The following BRD8 variants were observed in gnomAD, a reference collection of about 807,000 sequenced individuals.
BRD8 encodes bromodomain-containing protein 8.
In BRD8, 67 loss-of-function variants were observed where a neutral mutation model predicts 143.1. The ratio of observed to expected loss-of-function variants is 0.47; its 90% confidence interval spans 0.38 to 0.57. The LOEUF is 0.57. Ranked by LOEUF, BRD8 falls within the 20% of genes least tolerant of loss-of-function variation. The probability of loss-of-function intolerance (pLI) is 0.00; values close to 1 mark genes in which losing one functional copy is unlikely to be tolerated. For missense variants in BRD8, 1,103 were observed against 1,503.0 expected, an observed-to-expected ratio of 0.73 and a Z score of 4.40; for synonymous variants, 505 against 517.1, an observed-to-expected ratio of 0.98 and a Z score of 0.32.
At chr5:138,141,970 A>G (rs1201923505) in intron 25 of BRD8, among the ~76,000 whole-genome samples, 1 of 152,150 alleles carries the variant, frequency 6.6e-6, no homozygotes, top group Non-Finnish European at 1.5e-5. Flanking sequence ...GAATGATGGT[A>G]TCATTGTCTC....
At position 138,162,212 on chromosome 5, in the gene BRD8, CTTTTT is replaced by C. The variant is rs1348036341; in HGVS notation, c.2088-71_2088-67del. The C allele has an allele frequency of 2.6e-5, 34 of 1,294,722 alleles. No homozygotes were observed. The South Asian group carries it at 4.0e-4, about 15-fold the overall frequency. The allele number at this position is 1,294,722 out of a possible 1,614,324, so 80.2% of individuals were successfully genotyped here. A position where few individuals can be genotyped will look rare whatever the true frequency, so the allele number is the denominator to read the frequency against. On this transcript the variant is annotated intron_variant, in intron 15 of 26. Transcript: ENST00000254900. ...AAAATAAAAATTATAATTCTCTTTT[CTTTTT>C]GAGACAGGGTCTCACTCTGTCCCCC...
At chr5:138,153,678 T>TTTTC (rs1752457625) in intron 20 of BRD8, among the ~76,000 whole-genome samples, 2 of 89,600 alleles carry the variant, frequency 2.2e-5, no homozygotes, top group South Asian at 3.1e-4. Flanking sequence ...CTTTTCTTTT[T>TTTTC]TTTTTTTTTT....
chr5:138,152,119 G>T (rs992878628), intron 21 of BRD8, among the ~76,000 whole-genome samples: 1 of 152,024 alleles, frequency 6.6e-6, no homozygotes, highest in Admixed American at 6.6e-5. Context: ...GCCTCCTAAA[G>T]TGCTGGGATT....
rs768523710 is a variant in BRD8 at position 138,152,464 on chromosome 5, A to G, written c.2856+18T>C. 2.5e-6 allele frequency: 4 copies of G among 1,611,282 alleles called. No homozygotes were observed. The South Asian group carries it at 3.3e-5, about 13-fold the overall frequency. ...AGTTGAGGCTTTTCCAGCTTTGGAA[A>G]TAAGAGCTCACTGTTACCTCAGAGA... is the stretch of plus-strand genomic sequence containing the variant. On this transcript the variant is annotated intron_variant, in intron 21 of 26. Coordinates refer to ENST00000254900, the MANE Select transcript of BRD8 (RefSeq NM_139199.2).
In BRD8 at chr5:138,160,446, G is replaced by C. The variant is rs141171295; in HGVS notation, c.2428-273C>G. 5.6e-3 allele frequency among the ~76,000 whole-genome samples: 852 copies of C among 152,204 alleles called. 6 individuals carry two copies. Among genetic ancestry groups the C allele is most frequent in the African/African-American group, 0.02 (810 of 41,506 alleles). Reference sequence around the variant, plus strand: ...AATAATAAAACTAGAATGAACCAAAGATCATTCAGCAATTTAAGTAATTTG... The same window carrying C: ...AATAATAAAACTAGAATGAACCAAACATCATTCAGCAATTTAAGTAATTTG... On this transcript the variant is annotated intron_variant, in intron 18 of 26. Coordinates refer to ENST00000254900, the MANE Select transcript of BRD8 (RefSeq NM_139199.2).
chr5:138,140,599 C>T (rs753321733), intron 26 of BRD8, 106 bp downstream of exon 26: 1 of 1,325,156 alleles, frequency 7.5e-7, no homozygotes, highest in Admixed American at 1.7e-5. Context: ...GCCTTAATCA[C>T]CTTTAAAAAT....
chr5:138,170,485 A>ATT, intron 6 of BRD8, 76 bp from the exon 7 acceptor site: 1 of 1,544,934 alleles, frequency 6.5e-7, no homozygotes, highest in Non-Finnish European at 8.9e-7. Flanking sequence ...TTACAAAGTA[A>ATT]TTTTTTTTGC....
intron 20 of BRD8, among the ~76,000 whole-genome samples, chr5:138,154,516 TA>T (rs1752496280): frequency 6.6e-6 from 1 of 152,344 alleles, no homozygotes; most frequent in African/African-American, 2.4e-5. Flanking sequence ...ACTACAATGT[TA>T]TTTTTTATTT....
intron 2 of BRD8, among the ~76,000 whole-genome samples, chr5:138,175,913 A>C (rs1241036494): frequency 4.6e-5 from 3 of 65,906 alleles, no homozygotes; most frequent in Non-Finnish European, 9.4e-5. Flanking sequence ...CCCTGTCTGC[A>C]AAAAAAAAAA....
intron 24 of BRD8, 134 bp downstream of exon 24, chr5:138,145,655 G>C: frequency 2.8e-6 from 2 of 712,636 alleles, no homozygotes; most frequent in Non-Finnish European, 4.7e-6. Context: ...GGGATAAATC[G>C]GGCTTAGATA....
intron 2 of BRD8, among the ~76,000 whole-genome samples, chr5:138,175,950 TAA>T (rs948455627): frequency 1.6e-5 from 1 of 61,954 alleles, no homozygotes; most frequent in Non-Finnish European, 3.4e-5. Flanking sequence ...TCAAACATAA[TAA>T]AGTTACTACA....
intron 20 of BRD8, chr5:138,156,757 A>T: frequency 2.3e-6 from 2 of 871,810 alleles, no homozygotes; most frequent in Non-Finnish European, 2.8e-6. Flanking sequence ...GCAGTTCATA[A>T]GACTTTTCCC....
At chr5:138,145,703 G>T (rs2151181373) in intron 24 of BRD8, 86 bp downstream of exon 24, 1 of 1,180,944 alleles carries the variant, frequency 8.5e-7, no homozygotes, top group Non-Finnish European at 1.3e-6. Flanking sequence ...TTTGAGGGAT[G>T]AACATATCTC....
At chr5:138,166,936 C>T (rs985428274) in intron 9 of BRD8, 9 of 493,648 alleles carry the variant, frequency 1.8e-5, no homozygotes, top group South Asian at 4.1e-5. Context: ...CACTAGAACA[C>T]ACAACATATA....
At position 138,172,851 on chromosome 5, in the gene BRD8, C is replaced by G. The variant is rs1333272622; in HGVS notation, c.117-717G>C. On this transcript the variant is annotated intron_variant, in intron 2 of 26. Coordinates refer to ENST00000254900, the MANE Select transcript of BRD8 (RefSeq NM_139199.2). The stretch of plus-strand genomic sequence containing the variant: ...CCTGGGTGACAGAGTAAGACCACCC[C>G]CTCCGCCATTCAAAAAAAAAAGAAC... The G allele has an allele frequency of 5.9e-6, 2 of 340,662 alleles. 1 individual carries two copies. The highest frequency in any genetic ancestry group is 4.3e-5 in the South Asian group (2 of 46,858). 21.1% of individuals were successfully genotyped at this position (340,662 alleles called of 1,614,324 possible).
At position 138,155,283 on chromosome 5, in the gene BRD8, C is replaced by T. The variant is rs562728002; in HGVS notation, c.2578-2523G>A. ...CCAACATGGAGAAACCCCACCTCTA[C>T]TAAAGAAACCACAAAATTAGCCGGG... On this transcript the variant is annotated intron_variant, in intron 20 of 26. Coordinates refer to ENST00000254900, the MANE Select transcript of BRD8 (RefSeq NM_139199.2). 9.9e-5 allele frequency among the ~76,000 whole-genome samples: 15 copies of T among 151,622 alleles called. No individual in the cohort carries two copies. In the South Asian group the frequency reaches 2.9e-3, roughly 30 times the overall value.
intron 18 of BRD8, 28 bp from the exon 19 acceptor site, chr5:138,160,201 A>G (rs753613362): frequency 9.1e-5 from 140 of 1,532,910 alleles, no homozygotes; most frequent in Admixed American, 2.0e-4. Flanking sequence ...AGGGTAGGCC[A>G]TGGAGACCTG....
intron 10 of BRD8, 40 bp from the exon 11 acceptor site, chr5:138,166,148 G>A (rs767766334): frequency 6.7e-7 from 1 of 1,483,328 alleles, no homozygotes; most frequent in South Asian, 1.2e-5. Context: ...GAAGCTTATT[G>A]GGTACAAAGC....
At chr5:138,166,471 A>G (rs977965870) in intron 10 of BRD8, 47 bp downstream of exon 10, 1 of 1,329,188 alleles carries the variant, frequency 7.5e-7, no homozygotes, top group African/African-American at 1.5e-5. Context: ...TTCTCTAACT[A>G]AAGCTCAAAA....
Sources: allele counts gnomAD v4.1 joint callset (sites outside exome capture counted in the v4.1 genomes callset), GRCh38; gene constraint gnomAD v4.1.1; transcripts MANE v1.5; gene names NCBI Gene and HGNC (gene_info 2026-07-23, HGNC 2026-07-21).